The following TMEM131 variants were observed in gnomAD, a reference collection of about 807,000 sequenced individuals.
The protein encoded by TMEM131 is 2610524E03Rik.
In TMEM131, 66 loss-of-function variants were observed where a neutral mutation model predicts 211.6. The observed-to-expected ratio is 0.31, with a 90% CI of 0.26 to 0.38. The LOEUF (loss-of-function observed/expected upper bound fraction) is 0.38. TMEM131 is among the 10% of genes least tolerant of loss of function. The pLI, the probability that TMEM131 is intolerant of heterozygous loss-of-function variation, is 1.00. For missense variants in TMEM131, 2,036 were observed against 2,299.3 expected (o/e 0.89, Z 2.34); for synonymous variants, 844 against 841.3 (o/e 1.00, Z -0.06).
Position 97,757,440 on chromosome 2 carries a change from G to T in TMEM131, c.5368-57C>A. On this transcript the variant is annotated intron_variant, in intron 40 of 40. Coordinates refer to ENST00000186436, the MANE Select transcript of TMEM131 (RefSeq NM_015348.2). Reference sequence around the variant, plus strand: ...GCCCGGCAGGCAGAGGGTCAAGTGGGTAAGGGGGTAAGGCTACAGAAAAGA... The same window carrying T: ...GCCCGGCAGGCAGAGGGTCAAGTGGTTAAGGGGGTAAGGCTACAGAAAAGA... The T allele has an allele frequency of 2.0e-6, 3 of 1,517,058 alleles. No individual in the cohort carries two copies. The South Asian group carries it at 3.9e-5, about 20-fold the overall frequency. The allele number at this position is 1,517,058 out of a possible 1,614,324, so 94.0% of individuals were successfully genotyped here. A position where few individuals can be genotyped will look rare whatever the true frequency, so the allele number is the denominator to read the frequency against.
chr2:97,777,115 A>G (rs1286308679), intron 31 of TMEM131, among the ~76,000 whole-genome samples: 1 of 151,850 alleles, frequency 6.6e-6, no homozygotes, highest in East Asian at 1.9e-4. Flanking sequence ...TCCTGCCCTC[A>G]TGGAGCTTAC....
intron 1 of TMEM131, among the ~76,000 whole-genome samples, chr2:97,957,688 G>C (rs1009029438): frequency 1.3e-5 from 2 of 152,026 alleles, no homozygotes; most frequent in African/African-American, 2.4e-5. Context: ...TATTCCAAAG[G>C]ACAAAAGTTT....
At chr2:97,758,206 TA>T (rs1252362520) in intron 40 of TMEM131, among the ~76,000 whole-genome samples, 1 of 152,088 alleles carries the variant, frequency 6.6e-6, no homozygotes, top group Admixed American at 6.5e-5. Flanking sequence ...TAAGGCTGAA[TA>T]ATTACACATG....
chr2:97,761,840 G>C (rs556448507), intron 36 of TMEM131, 195 bp downstream of exon 36: 6 of 558,738 alleles, frequency 1.1e-5, no homozygotes, highest in Non-Finnish European at 1.8e-5. Flanking sequence ...ATGGGAACCG[G>C]GTTACTGTTG....
intron 2 of TMEM131, among the ~76,000 whole-genome samples, chr2:97,921,832 C>T (rs984689116): frequency 2.0e-5 from 3 of 151,732 alleles, no homozygotes; most frequent in African/African-American, 7.3e-5. Context: ...ATCAGGGAAA[C>T]GAAAATAAAA....
intron 4 of TMEM131, among the ~76,000 whole-genome samples, chr2:97,864,731 G>C (rs1674204293): frequency 6.6e-6 from 1 of 152,216 alleles, no homozygotes; most frequent in South Asian, 2.1e-4. Context: ...ACTGAAGGCT[G>C]CCTTAAAGTG....
chr2:97,859,171 G>A (rs1559406187), intron 5 of TMEM131, 133 bp downstream of exon 5: 1 of 943,362 alleles, frequency 1.1e-6, no homozygotes. Context: ...TCATTCTTAG[G>A]AAGTGAAACA....
chr2:97,786,951 A>T (rs534258717), intron 31 of TMEM131, among the ~76,000 whole-genome samples: 11 of 152,132 alleles, frequency 7.2e-5, no homozygotes, highest in Non-Finnish European at 1.6e-4. Flanking sequence ...ACTATATGAC[A>T]TTTTTCCTCA....
At chr2:97,894,366 C>T (rs1675513561) in intron 3 of TMEM131, among the ~76,000 whole-genome samples, 2 of 152,068 alleles carry the variant, frequency 1.3e-5, no homozygotes, top group African/African-American at 2.4e-5. Flanking sequence ...TACGTGGGTT[C>T]TTTTTTCGTT....
chr2:97,767,961 C>T (rs1679259671), intron 33 of TMEM131, among the ~76,000 whole-genome samples: 1 of 152,184 alleles, frequency 6.6e-6, no homozygotes, highest in Non-Finnish European at 1.5e-5. Context: ...CCATAACACC[C>T]TCATTCCCCA....
intron 3 of TMEM131, among the ~76,000 whole-genome samples, chr2:97,904,185 G>A (rs934180830): frequency 6.6e-6 from 1 of 152,116 alleles, no homozygotes; most frequent in African/African-American, 2.4e-5. Flanking sequence ...ACAGCAGTAT[G>A]AGACAGTCTT....
At chr2:97,918,601 C>CAACAACAACAAA (rs1240190527) in intron 2 of TMEM131, among the ~76,000 whole-genome samples, 3 of 152,008 alleles carry the variant, frequency 2.0e-5, no homozygotes, top group Admixed American at 6.6e-5. Context: ...TCATTAACAA[C>CAACAACAACAAA]AACAACAACA....
intron 4 of TMEM131, among the ~76,000 whole-genome samples, chr2:97,859,801 T>C (rs570294941): frequency 5.3e-5 from 8 of 152,344 alleles, no homozygotes; most frequent in Non-Finnish European, 1.2e-4. Context: ...GTGCTCTTCA[T>C]TTTAGGAGCA....
At chr2:97,884,390 T>C (rs1272770125) in intron 4 of TMEM131, among the ~76,000 whole-genome samples, 1 of 152,192 alleles carries the variant, frequency 6.6e-6, no homozygotes, top group Non-Finnish European at 1.5e-5. Flanking sequence ...AGAAATGGTA[T>C]TCTGCAGCTT....
rs1678538652 is a variant in TMEM131 at position 97,757,227 on chromosome 2, C to T, written c.5524G>A (p.Ala1842Thr). ...TCAGCTGGACTGGAGGTGGAGGGAG[C>T]GTGAGGAGCAGGGGAGTTTTCTGTG... ...MGTENSPAPHAPSTSSPADDL... is the reference protein window; with the variant it reads ...MGTENSPAPHTPSTSSPADDL... Residue 1842 changes from alanine (A) to threonine (T), a missense_variant, in exon 41 of 41, where the codon GCT (alanine) becomes ACT (threonine). Transcript: ENST00000186436. 1.5e-5 allele frequency: 25 copies of T among 1,613,886 alleles called. No individual in the cohort carries two copies. Among genetic ancestry groups the T allele is most frequent in the Non-Finnish European group, 2.1e-5 (25 of 1,179,884 alleles).
At chr2:97,781,228 T>TG (rs1679985153) in intron 31 of TMEM131, among the ~76,000 whole-genome samples, 1 of 152,208 alleles carries the variant, frequency 6.6e-6, no homozygotes, top group Non-Finnish European at 1.5e-5. Flanking sequence ...CCCAGTGCCT[T>TG]GCACAGCGCC....
chr2:97,936,284 A>C (rs1284460759), intron 1 of TMEM131, among the ~76,000 whole-genome samples: 1 of 152,230 alleles, frequency 6.6e-6, no homozygotes, highest in Non-Finnish European at 1.5e-5. Flanking sequence ...GGCTGTAAAA[A>C]GTGTTGACAC....
chr2:97,929,758 C>A (rs1479647318), intron 1 of TMEM131, among the ~76,000 whole-genome samples: 2 of 151,784 alleles, frequency 1.3e-5, no homozygotes, highest in Non-Finnish European at 2.9e-5. Flanking sequence ...TCAATAAATA[C>A]TGAAAGCATG....
intron 3 of TMEM131, among the ~76,000 whole-genome samples, chr2:97,899,600 G>A (rs1675764252): frequency 6.6e-6 from 1 of 152,070 alleles, no homozygotes; most frequent in Admixed American, 6.6e-5. Context: ...GAAAGGATGT[G>A]GGAAACAGGC....
Sources: allele counts gnomAD v4.1 joint callset (sites outside exome capture counted in the v4.1 genomes callset), GRCh38; gene constraint gnomAD v4.1.1; transcripts MANE v1.5; gene names NCBI Gene and HGNC (gene_info 2026-07-23, HGNC 2026-07-21).